The following TSNARE1 variants were observed in gnomAD, a reference collection of about 807,000 sequenced individuals.
TSNARE1 encodes the protein t-SNARE domain-containing protein 1.
In TSNARE1, 49 loss-of-function variants were observed where a neutral mutation model predicts 62.0. The ratio of observed to expected loss-of-function variants is 0.79; its 90% CI spans 0.63 to 1.00. The LOEUF (loss-of-function observed/expected upper bound fraction) is 1.00. Ranked by LOEUF, TSNARE1 falls within the 50% of genes least tolerant of loss-of-function variation. The probability of loss-of-function intolerance (pLI) is 0.00; values close to 1 mark genes in which losing one functional copy is unlikely to be tolerated. For synonymous variants in TSNARE1, 328 were observed against 294.4 expected (o/e 1.11, Z -1.17); for missense variants, 755 against 700.1 (o/e 1.08, Z -0.88).
rs138135172 is a variant in TSNARE1, at chr8:142,286,010, G to A, written c.1291-1525C>T. ...GGTCCCATGACCTCCAGGGCCTCTCGGAAAGGGGAAGAGTTGGGATTCAGA... is the reference window on the plus strand; with the variant it reads ...GGTCCCATGACCTCCAGGGCCTCTCAGAAAGGGGAAGAGTTGGGATTCAGA... On this transcript the variant is annotated intron_variant, in intron 10 of 13. Coordinates refer to ENST00000524325, the MANE Select transcript of TSNARE1 (RefSeq NM_145003.5). Among the ~76,000 whole-genome samples, 239 of 152,266 alleles carry A rather than the reference G, an allele frequency of 1.6e-3. 2 individuals carry two copies. Among genetic ancestry groups the A allele is most frequent in the South Asian group, 5.0e-3 (24 of 4,806 alleles).
chr8:142,309,016 C>T (rs1343142537), intron 9 of TSNARE1, among the ~76,000 whole-genome samples: 5 of 152,066 alleles, frequency 3.3e-5, no homozygotes, highest in South Asian at 2.1e-4. Context: ...GGCCTTAAAC[C>T]GCTCTTCATA....
chr8:142,273,086 C>A (rs1385374728), intron 12 of TSNARE1: 19 of 985,316 alleles, frequency 1.9e-5, no homozygotes, highest in Non-Finnish European at 2.3e-5. Flanking sequence ...GGGGGCGGTG[C>A]CTGCTCTGCC....
At chr8:142,230,841 C>T (rs898868401) in intron 12 of TSNARE1, among the ~76,000 whole-genome samples, 1 of 151,738 alleles carries the variant, frequency 6.6e-6, no homozygotes, top group Non-Finnish European at 1.5e-5. Context: ...CCTATCCATC[C>T]ACCCATCTAC....
At chr8:142,222,536 T>TCATC in intron 13 of TSNARE1, among the ~76,000 whole-genome samples, 5 of 70,086 alleles carry the variant, frequency 7.1e-5, no homozygotes, top group South Asian at 6.1e-4. Flanking sequence ...ACTCACTCAC[T>TCATC]CACTCATTCA....
intron 1 of TSNARE1, among the ~76,000 whole-genome samples, chr8:142,397,598 C>A (rs867942011): frequency 6.6e-6 from 1 of 152,186 alleles, no homozygotes; most frequent in South Asian, 2.1e-4. Context: ...GAAAACGAGG[C>A]AATCTTCCAC....
intron 12 of TSNARE1, chr8:142,270,769 G>T: frequency 1.0e-6 from 1 of 985,432 alleles, no homozygotes; most frequent in African/African-American, 1.7e-5. Flanking sequence ...ACGCTGGGCT[G>T]CAGACTTCGC....
intron 13 of TSNARE1, among the ~76,000 whole-genome samples, chr8:142,218,226 G>A (rs1390666403): frequency 7.8e-6 from 1 of 128,108 alleles, no homozygotes; most frequent in African/African-American, 3.1e-5. Flanking sequence ...CTTAACGTGT[G>A]ACCAAGATCT....
At chr8:142,284,372 C>T in intron 11 of TSNARE1, 41 bp downstream of exon 11, 1 of 1,564,820 alleles carries the variant, frequency 6.4e-7, no homozygotes, top group Non-Finnish European at 8.8e-7. Flanking sequence ...CAGGCAGGCC[C>T]TCGGGGCAGC....
chr8:142,322,648 T>A lies in TSNARE1; in HGVS notation c.894-4014A>T, dbSNP rs117114825. ...GCCAATGAGAGGAGAGGAACACAAATAAGAGAAAGGCCAGCCTGTGTCCGT... is the reference window on the plus strand; with the variant it reads ...GCCAATGAGAGGAGAGGAACACAAAAAAGAGAAAGGCCAGCCTGTGTCCGT... On this transcript the variant is annotated intron_variant, in intron 6 of 13. Transcript: ENST00000524325. 2.0e-5 allele frequency among the ~76,000 whole-genome samples: 3 copies of A among 152,228 alleles called. No individual in the cohort carries two copies. In the East Asian group the frequency reaches 5.8e-4, roughly 29 times the overall value.
Position 142,271,113 on chromosome 8 carries a change from T to C in TSNARE1, c.1446+3668A>G, listed in dbSNP as rs367834572. ...TATATCTCCTCCTCCACCTTCAAGA[T>C]CATCCCTGAGAAGACCTCGAGCCCC... On this transcript the variant is annotated intron_variant, in intron 12 of 13. Transcript: ENST00000524325. 3.0e-5 allele frequency: 30 copies of C among 986,150 alleles called. No individual in the cohort carries two copies. In the East Asian group the frequency reaches 1.1e-3, roughly 37 times the overall value. 61.1% of individuals were successfully genotyped at this position (986,150 alleles called of 1,614,324 possible).
intron 12 of TSNARE1, among the ~76,000 whole-genome samples, chr8:142,249,619 T>C (rs1818057247): frequency 6.6e-6 from 1 of 152,180 alleles, no homozygotes. Context: ...TGTGCTGCCT[T>C]CTCACGGCAC....
intron 13 of TSNARE1, among the ~76,000 whole-genome samples, chr8:142,224,591 T>G (rs1323689834): frequency 6.6e-6 from 1 of 152,224 alleles, no homozygotes; most frequent in Non-Finnish European, 1.5e-5. Context: ...GTGCAGCCAC[T>G]GCTCCCTTGT....
chr8:142,261,067 G>GGGAAGGAGAAAAGAGGGA (rs1818855169), intron 12 of TSNARE1, among the ~76,000 whole-genome samples: 2 of 38,972 alleles, frequency 5.1e-5, no homozygotes, highest in Non-Finnish European at 1.1e-4. Flanking sequence ...GGAAGCAGGA[G>GGGAAGGAGAAAAGAGGGA]GGAGGAGAGA....
At chr8:142,288,483 C>G (rs534634519) in intron 10 of TSNARE1, among the ~76,000 whole-genome samples, 1 of 152,222 alleles carries the variant, frequency 6.6e-6, no homozygotes, top group African/African-American at 2.4e-5. Flanking sequence ...ATCTCATCGC[C>G]GACACTCACT....
intron 12 of TSNARE1, among the ~76,000 whole-genome samples, chr8:142,267,886 T>C (rs555513000): frequency 1.5e-4 from 23 of 152,298 alleles, no homozygotes; most frequent in African/African-American, 5.3e-4. Flanking sequence ...TCGGCAACCC[T>C]CAAGGTCTTC....
chr8:142,388,026 C>A (rs1837222979), intron 1 of TSNARE1, among the ~76,000 whole-genome samples: 1 of 152,062 alleles, frequency 6.6e-6, no homozygotes, highest in Non-Finnish European at 1.5e-5. Context: ...GCAAAAAGTA[C>A]ATTCACCAGC....
chr8:142,285,208 A>ATGGACAGATGAATGGG (rs1822482475), intron 10 of TSNARE1, among the ~76,000 whole-genome samples: 2 of 139,634 alleles, frequency 1.4e-5, no homozygotes, highest in Non-Finnish European at 3.1e-5. Context: ...GGGCGAGTGG[A>ATGGACAGATGAATGGG]TGGACAGATG....
chr8:142,263,375 C>T (rs1250444533), intron 12 of TSNARE1, among the ~76,000 whole-genome samples: 3 of 152,194 alleles, frequency 2.0e-5, no homozygotes, highest in Non-Finnish European at 4.4e-5. Flanking sequence ...CCACTTCCAG[C>T]GTAAATCCAA....
At chr8:142,292,866 C>T (rs537393885) in intron 10 of TSNARE1, among the ~76,000 whole-genome samples, 2 of 152,102 alleles carry the variant, frequency 1.3e-5, no homozygotes, top group African/African-American at 2.4e-5. Flanking sequence ...CCAGGTGCCC[C>T]GCCAGTGTGG....
Sources: gnomAD v4.1 joint callset for allele counts (sites outside exome capture counted in the v4.1 genomes callset) on GRCh38, gnomAD v4.1.1 for gene constraint, MANE v1.5 for transcripts, NCBI Gene and HGNC (gene_info 2026-07-23, HGNC 2026-07-21) for gene names.